Variants in ALDH1A2 observed in about 807,000 individuals in gnomAD.
ALDH1A2 encodes the protein aldehyde dehydrogenase 1 family member A2.
A neutral mutation model predicts 60.3 loss-of-function variants in ALDH1A2; 27 were observed. The ratio of observed to expected loss-of-function variants is 0.45; its 90% CI spans 0.33 to 0.62. The LOEUF is 0.62. Ranked by LOEUF, ALDH1A2 falls within the 20% of genes least tolerant of loss-of-function variation. The pLI, the probability that ALDH1A2 is intolerant of heterozygous loss-of-function variation, is 0.02. For synonymous variants in ALDH1A2, 289 were observed against 232.4 expected (o/e 1.24, Z -2.21); for missense variants, 581 against 643.8 (o/e 0.90, Z 1.06).
chr15:58,017,929 G>C lies in ALDH1A2; in HGVS notation c.118-3648C>G, dbSNP rs74423866. On this transcript the variant is annotated intron_variant, in intron 1 of 12. Transcript: ENST00000249750. The stretch of plus-strand genomic sequence containing the variant: ...CTACATTATTATTTTTGTAGACCTA[G>C]TCTTATAAAATGACACTTAAAAAAT... Among the ~76,000 whole-genome samples, 644 of 152,160 alleles carry C rather than the reference G, an allele frequency of 4.2e-3. 16 individuals are homozygous for C. Among genetic ancestry groups the C allele is most frequent in the Admixed American group, 0.033 (504 of 15,272 alleles).
At chr15:58,014,111 T>C (rs1175538084) in intron 2 of ALDH1A2, 66 bp downstream of exon 2, 6 of 1,613,878 alleles carry the variant, frequency 3.7e-6, no homozygotes, top group East Asian at 2.2e-5. Context: ...TGAGAGCATA[T>C]GTTTGCTGCT....
intron 7 of ALDH1A2, among the ~76,000 whole-genome samples, chr15:57,972,992 G>C (rs1010520538): frequency 6.6e-6 from 1 of 152,116 alleles, no homozygotes; most frequent in Non-Finnish European, 1.5e-5. Context: ...ATCTCACTTA[G>C]GAAATAAAAG....
chr15:57,981,291 C>CAT (rs1436717444), intron 7 of ALDH1A2, among the ~76,000 whole-genome samples: 3 of 114,348 alleles, frequency 2.6e-5, no homozygotes, highest in Non-Finnish European at 5.3e-5. Context: ...GAAGAGCAAA[C>CAT]ACACACACAC....
At chr15:58,021,837 T>C (rs534782506) in intron 1 of ALDH1A2, among the ~76,000 whole-genome samples, 17 of 152,344 alleles carry the variant, frequency 1.1e-4, no homozygotes, top group Admixed American at 1.1e-3. Context: ...TAGACATGTG[T>C]TGCTGAGATC....
chr15:58,007,797 GAA>G (rs4646599), intron 4 of ALDH1A2, among the ~76,000 whole-genome samples: 2 of 142,552 alleles, frequency 1.4e-5, no homozygotes, highest in Admixed American at 6.9e-5. Flanking sequence ...ACTTCACTGT[GAA>G]AAAAAAAAAA....
At chr15:58,000,621 A>T (rs1376630870) in intron 4 of ALDH1A2, among the ~76,000 whole-genome samples, 1 of 151,984 alleles carries the variant, frequency 6.6e-6, no homozygotes, top group Non-Finnish European at 1.5e-5. Flanking sequence ...CAAACCAAGG[A>T]ATTAAAATTA....
intron 7 of ALDH1A2, chr15:57,980,016 C>T: frequency 9.0e-6 from 3 of 332,974 alleles, no homozygotes; most frequent in Non-Finnish European, 1.9e-5. Flanking sequence ...TATTTGTACC[C>T]ATCTGGAGGC....
In ALDH1A2 at chr15:57,992,811, A is replaced by C. The variant is rs1200681437; in HGVS notation, c.692T>G (p.Phe231Cys). The C allele has an allele frequency of 6.2e-7, 1 of 1,613,986 alleles. No individual in the cohort carries two copies. ...CAAAATATTGATGACCCCGGGAGGA[A>C]AGCCAGCCTAAGAAAACAGAACAGG... ...YMGALIKEAG[F>C]PPGVINILPG... Residue 231 changes from phenylalanine (F) to cysteine (C), a missense_variant, in exon 7 of 13, where the codon TTT (phenylalanine) becomes TGT (cysteine). This residue lies in a region of ALDH1A2 where 375 missense variants were observed against 469.7 expected (regional missense o/e 0.80). Transcript: ENST00000249750.
intron 4 of ALDH1A2, among the ~76,000 whole-genome samples, chr15:58,000,053 T>TG (rs1401586216): frequency 6.6e-6 from 1 of 151,658 alleles, no homozygotes; most frequent in African/African-American, 2.4e-5. Context: ...GGCACCTTTC[T>TG]GGGGAGGGGT....
chr15:57,991,732 G>C (rs540730962), intron 7 of ALDH1A2: 16 of 152,108 alleles, frequency 1.1e-4, no homozygotes, highest in African/African-American at 3.6e-4. Context: ...TTAATTTCAC[G>C]TATTTTTTAA....
intron 1 of ALDH1A2, among the ~76,000 whole-genome samples, chr15:58,044,644 C>G (rs913137224): frequency 1.3e-4 from 20 of 152,032 alleles, no homozygotes; most frequent in African/African-American, 4.8e-4. Context: ...GAAGCAGAAA[C>G]TTCTGCCAGA....
intron 11 of ALDH1A2, 78 bp from the exon 12 acceptor site, chr15:57,960,922 G>C: frequency 6.9e-7 from 1 of 1,441,166 alleles, no homozygotes; most frequent in Non-Finnish European, 9.6e-7. Context: ...ATTTCTTTTA[G>C]AAGTTTTATT....
chr15:57,988,987 T>G (rs1231417711), intron 7 of ALDH1A2, among the ~76,000 whole-genome samples: 1 of 148,512 alleles, frequency 6.7e-6, no homozygotes, highest in African/African-American at 2.5e-5. Flanking sequence ...GCCAACATGG[T>G]GAAACCCCAT....
At chr15:58,023,015 A>C (rs1895974253) in intron 1 of ALDH1A2, among the ~76,000 whole-genome samples, 1 of 152,268 alleles carries the variant, frequency 6.6e-6, no homozygotes, top group Non-Finnish European at 1.5e-5. Context: ...GAAAATTTCA[A>C]AATCCCAGAT....
intron 1 of ALDH1A2, among the ~76,000 whole-genome samples, chr15:58,059,197 C>T (rs1450610690): frequency 6.6e-6 from 1 of 152,088 alleles, no homozygotes; most frequent in Non-Finnish European, 1.5e-5. Context: ...CTCAAAGATA[C>T]AATTAAAGGC....
chr15:58,016,870 C>T (rs1895803592), intron 1 of ALDH1A2, among the ~76,000 whole-genome samples: 1 of 152,118 alleles, frequency 6.6e-6, no homozygotes, highest in African/African-American at 2.4e-5. Context: ...TAAAAGAAGT[C>T]TAGAGATGCC....
intron 7 of ALDH1A2, among the ~76,000 whole-genome samples, chr15:57,966,216 T>C (rs112616050): frequency 1.1e-3 from 163 of 152,306 alleles, no homozygotes; most frequent in African/African-American, 3.8e-3. Context: ...TTGAAAGATA[T>C]CATGAGGATA....
At chr15:58,001,140 T>C (rs1347974935) in intron 4 of ALDH1A2, among the ~76,000 whole-genome samples, 2 of 147,426 alleles carry the variant, frequency 1.4e-5, no homozygotes, top group Admixed American at 6.8e-5. Flanking sequence ...CTGAAAAAAA[T>C]AGAGCAACTA....
intron 4 of ALDH1A2, among the ~76,000 whole-genome samples, chr15:58,010,268 T>C (rs1028314188): frequency 2.6e-5 from 4 of 152,032 alleles, no homozygotes; most frequent in Non-Finnish European, 4.4e-5. Flanking sequence ...GTAGATCTTA[T>C]ATGTTTCAGG....
Sources: allele counts gnomAD v4.1 joint callset (sites outside exome capture counted in the v4.1 genomes callset), GRCh38; gene constraint gnomAD v4.1.1; regional missense constraint gnomAD v4.1.1; transcripts MANE v1.5; gene names NCBI Gene and HGNC (gene_info 2026-07-23, HGNC 2026-07-21).